DCDC1: variants seen among roughly 807,000 people sequenced by gnomAD.
DCDC1 encodes doublecortin domain containing 1.
DCDC1 carries 200 observed loss-of-function variants against 178.3 expected under a neutral mutation model. The ratio of observed to expected loss-of-function variants is 1.12; its 90% confidence interval spans 1.00 to 1.26. The LOEUF (loss-of-function observed/expected upper bound fraction) is 1.26. Among genes scored for constraint, DCDC1 ranks in the 50% most tolerant of loss-of-function variants. DCDC1 has a pLI of 0.00. For missense variants in DCDC1, 1,983 were observed against 1,749.2 expected, an observed-to-expected ratio of 1.13 and a Z score of -2.38; for synonymous variants, 690 against 604.8, an observed-to-expected ratio of 1.14 and a Z score of -2.07.
Position 31,126,486 on chromosome 11 carries a change from G to C in DCDC1, c.1485+983C>G, listed in dbSNP as rs1961636563. On this transcript the variant is annotated intron_variant, in intron 11 of 38. Coordinates refer to ENST00000684477, the MANE Select transcript of DCDC1 (RefSeq NM_001387274.1). ...AATGTTCTCACTCAAAATACACACGGGAATGTCATTAAAAGAAATGTTATT... is the reference window on the plus strand; with the variant it reads ...AATGTTCTCACTCAAAATACACACGCGAATGTCATTAAAAGAAATGTTATT... 1.3e-5 allele frequency among the ~76,000 whole-genome samples: 2 copies of C among 151,876 alleles called. 1 individual carries two copies. Among genetic ancestry groups the C allele is most frequent in the South Asian group, 4.2e-4 (2 of 4,808 alleles).
intron 9 of DCDC1, among the ~76,000 whole-genome samples, chr11:31,227,420 T>C (rs1975134092): frequency 6.6e-6 from 1 of 151,976 alleles, no homozygotes. Context: ...TGCTAAACCA[T>C]TCAGGAGGGA....
At chr11:30,884,212 G>T (rs1942965825) in intron 36 of DCDC1, among the ~76,000 whole-genome samples, 1 of 151,714 alleles carries the variant, frequency 6.6e-6, no homozygotes, top group Non-Finnish European at 1.5e-5. Context: ...TTTCGTTTTT[G>T]TAGAGACAGG....
chr11:30,987,445 T>C (rs1283403645), intron 20 of DCDC1, among the ~76,000 whole-genome samples: 1 of 152,160 alleles, frequency 6.6e-6, no homozygotes, highest in Admixed American at 6.5e-5. Flanking sequence ...AAGACAAACA[T>C]TTTTACTGTT....
intron 10 of DCDC1, among the ~76,000 whole-genome samples, chr11:31,129,351 T>C (rs932085335): frequency 3.3e-5 from 5 of 152,160 alleles, no homozygotes; most frequent in African/African-American, 4.8e-5. Flanking sequence ...TTTGTTCCTA[T>C]GTAATAAATT....
chr11:31,052,266 T>C (rs923976875), intron 20 of DCDC1, among the ~76,000 whole-genome samples: 9 of 152,178 alleles, frequency 5.9e-5, no homozygotes, highest in African/African-American at 1.7e-4. Flanking sequence ...AGAGACATTA[T>C]ATAATGGTAA....
At chr11:31,121,486 G>A (rs975644016) in intron 11 of DCDC1, among the ~76,000 whole-genome samples, 10 of 148,480 alleles carry the variant, frequency 6.7e-5, no homozygotes, top group African/African-American at 2.5e-4. Context: ...ATGGGAGTGA[G>A]GCAATATGGA....
At chr11:31,293,413 A>T (rs567619516) in intron 6 of DCDC1, among the ~76,000 whole-genome samples, 39 of 152,258 alleles carry the variant, frequency 2.6e-4, no homozygotes, top group Admixed American at 1.4e-3. Context: ...AGGCACCAAG[A>T]TTTAGAGAAT....
intron 38 of DCDC1, among the ~76,000 whole-genome samples, chr11:30,874,484 A>G (rs188730860): frequency 6.6e-6 from 1 of 152,294 alleles, no homozygotes; most frequent in East Asian, 1.9e-4. Context: ...AGCCAGGAAG[A>G]CGGGAAAAGG....
At chr11:31,120,311 C>T (rs1960608996) in intron 11 of DCDC1, among the ~76,000 whole-genome samples, 1 of 152,046 alleles carries the variant, frequency 6.6e-6, no homozygotes, top group Admixed American at 6.6e-5. Context: ...TACTAAATTC[C>T]ACCATATTTC....
At chr11:31,138,098 T>A (rs907114217) in intron 9 of DCDC1, among the ~76,000 whole-genome samples, 1 of 151,742 alleles carries the variant, frequency 6.6e-6, no homozygotes, top group East Asian at 1.9e-4. Flanking sequence ...AGCAACTTTT[T>A]AAAAAAAAAT....
intron 9 of DCDC1, among the ~76,000 whole-genome samples, chr11:31,231,808 G>A (rs998219644): frequency 6.6e-6 from 1 of 152,188 alleles, no homozygotes; most frequent in Non-Finnish European, 1.5e-5. Flanking sequence ...ATCAAATTTA[G>A]TTTTACTTTT....
chr11:31,083,162 C>T (rs988176363), intron 17 of DCDC1, among the ~76,000 whole-genome samples: 6 of 151,924 alleles, frequency 3.9e-5, no homozygotes, highest in African/African-American at 1.5e-4. Flanking sequence ...TTAGCAAGAC[C>T]TAAATGGCAA....
intron 7 of DCDC1, chr11:31,280,792 C>A: frequency 1.6e-6 from 1 of 612,552 alleles, no homozygotes. Flanking sequence ...AATACTCCAT[C>A]AGTGTATCCT....
chr11:31,088,529 A>C (rs773644122), intron 17 of DCDC1, among the ~76,000 whole-genome samples: 10 of 152,092 alleles, frequency 6.6e-5, no homozygotes, highest in Non-Finnish European at 1.0e-4. Context: ...CTTTCATTTG[A>C]TATCACATCA....
intron 21 of DCDC1, chr11:30,943,731 A>G (rs1947819958): frequency 2.4e-6 from 1 of 416,162 alleles, no homozygotes; most frequent in Admixed American, 3.0e-5. Context: ...ATAAGGCTTT[A>G]CCATATTTAA....
chr11:31,181,767 A>G (rs1302399775), intron 9 of DCDC1, among the ~76,000 whole-genome samples: 1 of 152,244 alleles, frequency 6.6e-6, no homozygotes, highest in Admixed American at 6.5e-5. Flanking sequence ...AGGAAAAACC[A>G]GCACAAAACG....
intron 38 of DCDC1, among the ~76,000 whole-genome samples, chr11:30,873,519 C>A (rs908380802): frequency 1.3e-5 from 2 of 151,960 alleles, no homozygotes; most frequent in African/African-American, 4.8e-5. Flanking sequence ...ATTGGTCTGG[C>A]AAGAGAACTA....
chr11:31,292,077 G>A (rs1031072448), intron 6 of DCDC1, among the ~76,000 whole-genome samples: 2 of 151,778 alleles, frequency 1.3e-5, no homozygotes, highest in Non-Finnish European at 2.9e-5. Flanking sequence ...CACATATACC[G>A]TGGCAGATAG....
At chr11:30,986,705 C>G (rs982385062) in intron 20 of DCDC1, among the ~76,000 whole-genome samples, 7 of 152,046 alleles carry the variant, frequency 4.6e-5, no homozygotes, top group Admixed American at 3.9e-4. Context: ...TTTTGGCTAA[C>G]CTGTTTCCAC....
Sources: gnomAD v4.1 joint callset for allele counts (sites outside exome capture counted in the v4.1 genomes callset) on GRCh38, gnomAD v4.1.1 for gene constraint, MANE v1.5 for transcripts, NCBI Gene and HGNC (gene_info 2026-07-23, HGNC 2026-07-21) for gene names.